The following PARD3 variants were observed in gnomAD, a reference collection of about 807,000 sequenced individuals.
PARD3 encodes the protein partitioning defective 3 homolog.
PARD3 carries 75 observed loss-of-function variants against 155.4 expected under a neutral mutation model. The ratio of observed to expected loss-of-function variants is 0.48; its 90% confidence interval spans 0.40 to 0.58. PARD3 has a LOEUF of 0.58. Ranked by LOEUF, PARD3 falls within the 20% of genes least tolerant of loss-of-function variation. The pLI is 0.00. For synonymous variants in PARD3, 576 were observed against 610.5 expected, an observed-to-expected ratio of 0.94 and a Z score of 0.83; for missense variants, 1,642 against 1,721.7, an observed-to-expected ratio of 0.95 and a Z score of 0.82.
intron 22 of PARD3, among the ~76,000 whole-genome samples, chr10:34,186,064 G>C (rs942476276): frequency 3.9e-5 from 6 of 151,988 alleles, no homozygotes; most frequent in Admixed American, 3.9e-4. Context: ...CTTGGGCCCA[G>C]GGAGCAGTCA....
chr10:34,765,911 T>C (rs564604696), intron 1 of PARD3, among the ~76,000 whole-genome samples: 42 of 152,264 alleles, frequency 2.8e-4, no homozygotes, highest in African/African-American at 9.6e-4. Flanking sequence ...ACACACCCCA[T>C]TCCACAGATG....
chr10:34,681,100 C>G (rs1444016110), intron 2 of PARD3, among the ~76,000 whole-genome samples: 2 of 151,914 alleles, frequency 1.3e-5, no homozygotes, highest in Non-Finnish European at 2.9e-5. Flanking sequence ...TTATACGATG[C>G]AATATTACTC....
At position 34,440,226 on chromosome 10, in the gene PARD3, A is replaced by T. The variant is rs931354621; in HGVS notation, c.714+10091T>A. On this transcript the variant is annotated intron_variant, in intron 5 of 24. Coordinates refer to ENST00000374788, the MANE Select transcript of PARD3 (RefSeq NM_001184785.2). The stretch of plus-strand genomic sequence containing the variant: ...GTAGGACACAGGCAGTGAAAAAAAC[A>T]CATTGTAGGATGAAAATGTTAATGC... Among the ~76,000 whole-genome samples, 18 of 152,232 alleles carry T rather than the reference A, an allele frequency of 1.2e-4. 1 individual carries two copies. The highest frequency in any genetic ancestry group is 1.5e-5 in the Non-Finnish European group (1 of 68,036).
chr10:34,214,827 A>G (rs1951923792), intron 22 of PARD3, among the ~76,000 whole-genome samples: 1 of 152,198 alleles, frequency 6.6e-6, no homozygotes, highest in Admixed American at 6.5e-5. Flanking sequence ...AAGACATTTC[A>G]GTAAAGAAAG....
At chr10:34,191,154 T>C (rs1950690129) in intron 22 of PARD3, among the ~76,000 whole-genome samples, 1 of 151,994 alleles carries the variant, frequency 6.6e-6, no homozygotes, top group South Asian at 2.1e-4. Context: ...AGGAGGCTAC[T>C]GCATAAACTC....
intron 1 of PARD3, among the ~76,000 whole-genome samples, chr10:34,760,409 G>T (rs1405903183): frequency 6.6e-6 from 1 of 152,152 alleles, no homozygotes; most frequent in Non-Finnish European, 1.5e-5. Flanking sequence ...TCTGCTCACT[G>T]TAACCTCCAC....
Position 34,491,100 on chromosome 10 carries a change from C to T in PARD3, c.404-20837G>A, listed in dbSNP as rs78732819. Among the ~76,000 whole-genome samples the T allele has an allele frequency of 6.0e-3, 917 of 152,276 alleles. 8 individuals carry two copies. The highest frequency in any genetic ancestry group is 0.021 in the African/African-American group (874 of 41,558). ...AGACTCTGCATTTCCATCAAGTCCCCAGACGATGGAGTCACTAGCCACACC... is the reference window on the plus strand; with the variant it reads ...AGACTCTGCATTTCCATCAAGTCCCTAGACGATGGAGTCACTAGCCACACC... On this transcript the variant is annotated intron_variant, in intron 3 of 24. Coordinates refer to ENST00000374788, the MANE Select transcript of PARD3 (RefSeq NM_001184785.2).
At chr10:34,609,347 A>C (rs1329201848) in intron 2 of PARD3, among the ~76,000 whole-genome samples, 3 of 152,220 alleles carry the variant, frequency 2.0e-5, no homozygotes, top group South Asian at 4.1e-4. Flanking sequence ...CCAATAATTT[A>C]GCATGAGAAA....
chr10:34,585,884 A>C (rs568070870), intron 2 of PARD3, among the ~76,000 whole-genome samples: 1 of 152,312 alleles, frequency 6.6e-6, no homozygotes, highest in Admixed American at 6.5e-5. Context: ...GCCTCCTGAG[A>C]AGGAAACTGA....
intron 20 of PARD3, among the ~76,000 whole-genome samples, chr10:34,295,164 C>T (rs976080354): frequency 6.6e-6 from 1 of 152,140 alleles, no homozygotes; most frequent in African/African-American, 2.4e-5. Context: ...CCAGGATGTA[C>T]AGCACTAAAT....
intron 2 of PARD3, among the ~76,000 whole-genome samples, chr10:34,552,342 C>A (rs1226797423): frequency 1.3e-5 from 2 of 152,214 alleles, no homozygotes; most frequent in Admixed American, 6.5e-5. Context: ...CTCAAGTGAT[C>A]CTCCCACATC....
chr10:34,512,972 C>A (rs1449390478), intron 3 of PARD3, among the ~76,000 whole-genome samples: 1 of 152,096 alleles, frequency 6.6e-6, no homozygotes, highest in Non-Finnish European at 1.5e-5. Flanking sequence ...TAGGATACAT[C>A]TCCCTTTGTA....
chr10:34,227,889 G>A (rs1432353744), intron 22 of PARD3, among the ~76,000 whole-genome samples: 1 of 64,684 alleles, frequency 1.5e-5, no homozygotes, highest in Admixed American at 1.5e-4. Context: ...TATATACTGG[G>A]AATATATATG....
At chr10:34,260,298 T>C (rs572267077) in intron 22 of PARD3, among the ~76,000 whole-genome samples, 3 of 152,330 alleles carry the variant, frequency 2.0e-5, no homozygotes, top group East Asian at 3.9e-4. Flanking sequence ...TTAAACAGTA[T>C]GGTAGACATT....
intron 22 of PARD3, among the ~76,000 whole-genome samples, chr10:34,193,405 T>G (rs1950799578): frequency 6.6e-6 from 1 of 152,216 alleles, no homozygotes; most frequent in Non-Finnish European, 1.5e-5. Context: ...TTTTACTATT[T>G]GTATACACAA....
At chr10:34,258,279 A>G (rs1337191766) in intron 22 of PARD3, among the ~76,000 whole-genome samples, 1 of 152,150 alleles carries the variant, frequency 6.6e-6, no homozygotes, top group East Asian at 1.9e-4. Context: ...AAGACTGGAG[A>G]TGGGAGAGGG....
At chr10:34,453,682 T>C (rs1170919332) in intron 4 of PARD3, among the ~76,000 whole-genome samples, 1 of 152,238 alleles carries the variant, frequency 6.6e-6, no homozygotes, top group Non-Finnish European at 1.5e-5. Flanking sequence ...ACCACTGTTA[T>C]ATGCCTATTT....
rs2134496887 is a variant in PARD3, at chr10:34,360,105, A to G, written c.1862T>C (p.Val621Ala). Residue 621 changes from valine to alanine, a missense_variant, in exon 13 of 25, where the codon GTC becomes GCC. By Grantham distance (64) the Val-to-Ala change is moderately conservative. Coordinates refer to ENST00000374788, the MANE Select transcript of PARD3 (RefSeq NM_001184785.2). ...TGCTCCTCCATTAATAATGGACTTG[A>G]CAAAGATTCCCAAATCTGCGTGGTT... ...KENHADLGIF[V>A]KSIINGGAAS... 1 of 1,614,120 alleles carries G rather than the reference A, an allele frequency of 6.2e-7. No individual in the cohort carries two copies. Among genetic ancestry groups the G allele is most frequent in the East Asian group, 2.2e-5 (1 of 44,880 alleles).
In PARD3 at chr10:34,372,990, A is replaced by AT. The variant is rs201746891; in HGVS notation, c.1669-455dup. Among the ~76,000 whole-genome samples, 783 of 151,642 alleles carry AT rather than the reference A, an allele frequency of 5.2e-3. 4 individuals are homozygous for AT. The highest frequency in any genetic ancestry group is 0.018 in the African/African-American group (725 of 41,398). Reference sequence around the variant, plus strand: ...AAATGTTGCACAGGAAATAAACATGATTTTTTTTTCCTATAATGTTGATTT... The same window carrying AT: ...AAATGTTGCACAGGAAATAAACATGATTTTTTTTTTCCTATAATGTTGATTT... On this transcript the variant is annotated intron_variant, in intron 11 of 24. Coordinates refer to ENST00000374788, the MANE Select transcript of PARD3 (RefSeq NM_001184785.2).
Sources: gnomAD v4.1 joint callset for allele counts (sites outside exome capture counted in the v4.1 genomes callset) on GRCh38, gnomAD v4.1.1 for gene constraint, MANE v1.5 for transcripts, NCBI Gene and HGNC (gene_info 2026-07-23, HGNC 2026-07-21) for gene names.